The following YAF2 variants were observed in gnomAD, a reference collection of about 807,000 sequenced individuals.
YAF2 encodes YY1-associated factor 2.
Under a neutral mutation model 20.1 loss-of-function variants are expected in YAF2, and 7 were observed. The observed-to-expected ratio is 0.35, with a 90% CI of 0.20 to 0.65. YAF2 has a LOEUF of 0.65. Among genes scored for constraint, YAF2 ranks in the 30% least tolerant of loss-of-function variants. YAF2 has a pLI of 0.69. For synonymous variants in YAF2, 74 were observed against 76.0 expected, an observed-to-expected ratio of 0.97 and a Z score of 0.14; for missense variants, 151 against 219.2, an observed-to-expected ratio of 0.69 and a Z score of 1.96.
At chr12:42,222,814 T>C (rs1243762823) in intron 2 of YAF2, among the ~76,000 whole-genome samples, 1 of 152,190 alleles carries the variant, frequency 6.6e-6, no homozygotes, top group African/African-American at 2.4e-5. Context: ...TTAATTCTCA[T>C]TGTTGAGAAG....
At chr12:42,196,227 GAAAA>G (rs34267272) in intron 2 of YAF2, among the ~76,000 whole-genome samples, 6 of 74,512 alleles carry the variant, frequency 8.1e-5, no homozygotes, top group Admixed American at 7.0e-4. Context: ...AATCCATCTG[GAAAA>G]AAAAAAAAAA....
chr12:42,233,488 T>C, intron 2 of YAF2: 1 of 982,488 alleles, frequency 1.0e-6, no homozygotes, highest in South Asian at 4.7e-5. Context: ...CCTTAATATT[T>C]AATATTTCAT....
intron 2 of YAF2, among the ~76,000 whole-genome samples, chr12:42,225,600 A>T (rs1369088195): frequency 1.3e-5 from 2 of 152,202 alleles, no homozygotes; most frequent in East Asian, 1.9e-4. Context: ...GCATATGGCT[A>T]GCCAGTTTTC....
chr12:42,201,530 T>C (rs754187163), intron 2 of YAF2, among the ~76,000 whole-genome samples: 22 of 152,234 alleles, frequency 1.4e-4, no homozygotes, highest in Non-Finnish European at 2.9e-4. Context: ...ACATTGTGTG[T>C]GTCTCCTCCT....
chr12:42,232,759 T>C (rs1592068548), intron 2 of YAF2: 3 of 985,308 alleles, frequency 3.0e-6, no homozygotes, highest in Non-Finnish European at 3.6e-6. Context: ...TTCTACCAGA[T>C]GATAGTTGGT....
intron 2 of YAF2, among the ~76,000 whole-genome samples, chr12:42,180,571 T>A (rs1348567966): frequency 6.6e-6 from 1 of 152,218 alleles, no homozygotes; most frequent in Non-Finnish European, 1.5e-5. Context: ...ATCTGTGAGA[T>A]ATAAATGTCG....
chr12:42,206,471 C>T lies in YAF2; in HGVS notation c.152+31128G>A, dbSNP rs114114285. Reference sequence around the variant, plus strand: ...TAAAAATACAAAAATTAAGTGGACGCGGTGGTGCACACCTGTAGACCTAGC... The same window carrying T: ...TAAAAATACAAAAATTAAGTGGACGTGGTGGTGCACACCTGTAGACCTAGC... On this transcript the variant is annotated intron_variant, in intron 2 of 3. Transcript: ENST00000534854. 9.6e-3 allele frequency among the ~76,000 whole-genome samples: 1,450 copies of T among 151,824 alleles called. 28 individuals carry two copies. The highest frequency in any genetic ancestry group is 0.033 in the African/African-American group (1,377 of 41,426).
At chr12:42,237,458 C>T in intron 2 of YAF2, 141 bp downstream of exon 2, 1 of 1,353,536 alleles carries the variant, frequency 7.4e-7, no homozygotes, top group Non-Finnish European at 9.5e-7. Flanking sequence ...CAATGTGACC[C>T]AGTTCCTATC....
intron 2 of YAF2, among the ~76,000 whole-genome samples, chr12:42,215,514 C>T (rs902477957): frequency 6.6e-6 from 1 of 152,178 alleles, no homozygotes; most frequent in Non-Finnish European, 1.5e-5. Context: ...GCTTGGCTAA[C>T]CAATCATTAA....
At chr12:42,209,813 T>C (rs1363895431) in intron 2 of YAF2, among the ~76,000 whole-genome samples, 1 of 152,212 alleles carries the variant, frequency 6.6e-6, no homozygotes, top group African/African-American at 2.4e-5. Context: ...TTTTTTGTTT[T>C]TTGAGACAGA....
At chr12:42,199,070 T>C (rs929030043) in intron 2 of YAF2, 3 of 846,416 alleles carry the variant, frequency 3.5e-6, no homozygotes, top group East Asian at 1.4e-4. Context: ...GTTCCTTTAG[T>C]ATTAATTTCC....
chr12:42,187,236 G>A (rs2066497237), intron 2 of YAF2, among the ~76,000 whole-genome samples: 1 of 151,944 alleles, frequency 6.6e-6, no homozygotes, highest in Non-Finnish European at 1.5e-5. Context: ...AGTTCACTGT[G>A]ACCTCAAACT....
At position 42,215,927 on chromosome 12, in the gene YAF2, A is replaced by AAAATAAAT. The variant is rs67295015; in HGVS notation, c.152+21664_152+21671dup. ...GCGACAGAGCGAGATTCCAGCTCAA[A>AAAATAAAT]AAATAAATAAATAAATAAATAAATA... is the stretch of plus-strand genomic sequence containing the variant. On this transcript the variant is annotated intron_variant, in intron 2 of 3. Transcript: ENST00000534854. Among the ~76,000 whole-genome samples, 300 of 144,810 alleles carry AAAATAAAT rather than the reference A, an allele frequency of 2.1e-3. 2 individuals carry two copies. The highest frequency in any genetic ancestry group is 4.9e-3 in the South Asian group (22 of 4,450).
intron 2 of YAF2, among the ~76,000 whole-genome samples, chr12:42,168,065 G>T (rs569286156): frequency 5.2e-4 from 79 of 151,984 alleles, no homozygotes; most frequent in African/African-American, 1.9e-3. Flanking sequence ...ATATCTTGAT[G>T]GCATAATATT....
chr12:42,180,457 G>C lies in YAF2; in HGVS notation c.153-18692C>G, dbSNP rs80021708. Among the ~76,000 whole-genome samples the C allele has an allele frequency of 5.2e-3, 789 of 152,258 alleles. 3 individuals are homozygous for C. The highest frequency in any genetic ancestry group is 0.019 in the African/African-American group (769 of 41,550). ...AGTGATTCCTCCTGTCGGGACCCTT[G>C]AGAGAGCTGCAGCCCCAGCCACAAC... On this transcript the variant is annotated intron_variant, in intron 2 of 3. Coordinates refer to ENST00000534854, the MANE Select transcript of YAF2 (RefSeq NM_005748.6).
chr12:42,184,928 C>T (rs1272610671), intron 2 of YAF2, among the ~76,000 whole-genome samples: 1 of 152,228 alleles, frequency 6.6e-6, no homozygotes, highest in Non-Finnish European at 1.5e-5. Flanking sequence ...ATAATCCCAA[C>T]ACTTTGGGAG....
chr12:42,184,960 A>G (rs1029357937), intron 2 of YAF2, among the ~76,000 whole-genome samples: 4 of 152,186 alleles, frequency 2.6e-5, no homozygotes, highest in African/African-American at 4.8e-5. Context: ...CAGATCACTT[A>G]AGCTCACAAG....
intron 2 of YAF2, among the ~76,000 whole-genome samples, chr12:42,226,490 C>G (rs1019165842): frequency 6.6e-6 from 1 of 151,982 alleles, no homozygotes; most frequent in Non-Finnish European, 1.5e-5. Flanking sequence ...AGGGAGACAC[C>G]CCCTCTCTAC....
chr12:42,208,358 G>A (rs1416507455), intron 2 of YAF2, among the ~76,000 whole-genome samples: 8 of 151,792 alleles, frequency 5.3e-5, no homozygotes, highest in East Asian at 2.0e-4. Flanking sequence ...CCTGGGAGGC[G>A]GAGGTTGCAG....
Sources: gnomAD v4.1 joint callset for allele counts (sites outside exome capture counted in the v4.1 genomes callset) on GRCh38, gnomAD v4.1.1 for gene constraint, MANE v1.5 for transcripts, NCBI Gene and HGNC (gene_info 2026-07-23, HGNC 2026-07-21) for gene names.